The following PCGF6 variants were observed in gnomAD, a reference collection of about 807,000 sequenced individuals.
The protein encoded by PCGF6 is polycomb group RING finger protein 6.
Under a neutral mutation model 45.5 loss-of-function variants are expected in PCGF6, and 24 were observed. That is an observed-to-expected ratio of 0.53 (90% CI 0.38 to 0.74). The LOEUF (loss-of-function observed/expected upper bound fraction) is 0.74, where lower values mean the gene tolerates loss of function less well. Ranked by LOEUF, PCGF6 falls within the 30% of genes least tolerant of loss-of-function variation. PCGF6 has a pLI of 0.00. For missense variants in PCGF6, 356 were observed against 443.2 expected (o/e 0.80, Z 1.77); for synonymous variants, 152 against 162.1 (o/e 0.94, Z 0.47).
rs1414684024 is a variant in PCGF6, at chr10:103,348,713, T to C, written c.557+3A>G. On this transcript the variant is annotated splice_donor_region_variant and intron_variant, in intron 3 of 9. Transcript: ENST00000369847. ...ACAATTGTAATTTATATATTCTTCT[T>C]ACCTTATGTTATAAAGAGGTTGTGT... is the stretch of plus-strand genomic sequence containing the variant. 6.6e-7 allele frequency: 1 copy of C among 1,520,946 alleles called. No individual in the cohort carries two copies. The highest frequency in any genetic ancestry group is 1.2e-5 in the South Asian group (1 of 84,734). The allele number at this position is 1,520,946 out of a possible 1,614,324, so 94.2% of individuals were successfully genotyped here.
chr10:103,328,525 TAGTG>T (rs1327842386), intron 7 of PCGF6, among the ~76,000 whole-genome samples: 4 of 152,176 alleles, frequency 2.6e-5, no homozygotes, highest in African/African-American at 9.7e-5. Context: ...CATTTTCTAA[TAGTG>T]AGTCTTTGGG....
intron 9 of PCGF6, among the ~76,000 whole-genome samples, chr10:103,307,986 A>G (rs1165894715): frequency 6.6e-6 from 1 of 152,206 alleles, no homozygotes; most frequent in Non-Finnish European, 1.5e-5. Flanking sequence ...CTGGAATCCC[A>G]GCAGTTTGGG....
intron 6 of PCGF6, among the ~76,000 whole-genome samples, chr10:103,337,874 C>T (rs1157389890): frequency 1.8e-5 from 2 of 109,220 alleles, no homozygotes; most frequent in East Asian, 5.2e-4. Flanking sequence ...ACCATCCCGG[C>T]TAAAACGGCG....
intron 6 of PCGF6, among the ~76,000 whole-genome samples, chr10:103,339,808 AAAACACACACAC>A (rs1179622832): frequency 0.1 from 7,997 of 77,996 alleles, 731 homozygotes; most frequent in South Asian, 0.26. Flanking sequence ...TCTCAAAAAA[AAAACACACACAC>A]ACACACACAC....
intron 5 of PCGF6, among the ~76,000 whole-genome samples, chr10:103,345,507 GCTTT>G (rs1005328167): frequency 1.7e-5 from 2 of 119,292 alleles, no homozygotes. Flanking sequence ...CAGTGCTACT[GCTTT>G]TTTTTTTTTT....
Position 103,327,841 on chromosome 10 carries a change from ATT to A in PCGF6, c.811-1211_811-1210del, listed in dbSNP as rs11345505. Among the ~76,000 whole-genome samples, 278 of 137,424 alleles carry A rather than the reference ATT, an allele frequency of 2.0e-3. 1 individual carries two copies. Among genetic ancestry groups the A allele is most frequent in the Non-Finnish European group, 3.3e-3 (212 of 63,492 alleles). 90.2% of individuals were successfully genotyped at this position (137,424 alleles called of 152,430 possible). A position where few individuals can be genotyped will look rare whatever the true frequency, so the allele number is the denominator to read the frequency against. ...AGGCGTGCACCACTACGCCCAACTA[ATT>A]TTTTTTTTTTTTTTCATTAGAGATA... On this transcript the variant is annotated intron_variant, in intron 7 of 9. Transcript: ENST00000369847.
chr10:103,320,023 G>A (rs1459390943), intron 8 of PCGF6, among the ~76,000 whole-genome samples: 1 of 151,990 alleles, frequency 6.6e-6, no homozygotes, highest in East Asian at 1.9e-4. Context: ...GGCCAGGATG[G>A]TCTCCATCTC....
At chr10:103,316,011 TATAGAGAGAG>T (rs1242865207) in intron 8 of PCGF6, among the ~76,000 whole-genome samples, 43 of 129,820 alleles carry the variant, frequency 3.3e-4, no homozygotes, top group Middle Eastern at 3.8e-3. Context: ...TATATATATA[TATAGAGAGAG>T]AGAGAGAGAG....
chr10:103,310,494 A>G (rs1354344139), intron 9 of PCGF6, among the ~76,000 whole-genome samples: 1 of 152,096 alleles, frequency 6.6e-6, no homozygotes, highest in East Asian at 1.9e-4. Context: ...TCATATGTAC[A>G]TTATGCACAT....
rs1476542851 is a variant in PCGF6 at position 103,351,119 on chromosome 10, G to A, written c.-53C>T. On this transcript the variant is annotated 5_prime_UTR_variant, in exon 1 of 10. Coordinates refer to ENST00000369847, the MANE Select transcript of PCGF6 (RefSeq NM_001011663.2). Reference sequence around the variant, plus strand: ...GGCGGCGGGAGAGCGCGGGAGTTCGGCCGGCCTCGGACGCCACCACTGCGC... The same window carrying A: ...GGCGGCGGGAGAGCGCGGGAGTTCGACCGGCCTCGGACGCCACCACTGCGC... 3.0e-6 allele frequency: 4 copies of A among 1,335,354 alleles called. No homozygotes were observed. The African/African-American group carries it at 4.5e-5, about 15-fold the overall frequency. 82.7% of individuals were successfully genotyped at this position (1,335,354 alleles called of 1,614,324 possible).
At chr10:103,335,231 A>T (rs893323624) in intron 6 of PCGF6, among the ~76,000 whole-genome samples, 82 of 151,320 alleles carry the variant, frequency 5.4e-4, no homozygotes, top group African/African-American at 1.7e-3. Flanking sequence ...AAAAAAAAAA[A>T]TTTTAAGAGA....
At chr10:103,335,615 C>T (rs1040164553) in intron 6 of PCGF6, among the ~76,000 whole-genome samples, 12 of 151,914 alleles carry the variant, frequency 7.9e-5, no homozygotes, top group Non-Finnish European at 1.2e-4. Context: ...CCCACCTTGG[C>T]CTCCCAAAGT....
In PCGF6 at chr10:103,350,959, A is replaced by G. The variant is rs759425497; in HGVS notation, c.108T>C (p.Pro36=). Residue 36 remains proline (P), a synonymous_variant, in exon 1 of 10, where the codon CCT becomes CCC. Transcript: ENST00000369847. ...PPPVSPPALT[P]APAAGEEGPA... Reference sequence around the variant, plus strand: ...GTCCCTCCTCACCCGCTGCGGGTGCAGGGGTGAGGGCGGGCGGGGAGACAG... The same window carrying G: ...GTCCCTCCTCACCCGCTGCGGGTGCGGGGGTGAGGGCGGGCGGGGAGACAG... The G allele has an allele frequency of 3.4e-6, 5 of 1,456,668 alleles. No homozygotes were observed. The highest frequency in any genetic ancestry group is 4.5e-6 in the Non-Finnish European group (5 of 1,108,898). The allele number at this position is 1,456,668 out of a possible 1,614,324, so 90.2% of individuals were successfully genotyped here.
Position 103,303,891 on chromosome 10 carries a change from T to C in PCGF6, c.*14A>G, listed in dbSNP as rs200854681. ...GCCTCCTTTGTTTCCCTCCTCATAA[T>C]GTGCCTAGAATCTTCAAGTTATCTT... On this transcript the variant is annotated 3_prime_UTR_variant, in exon 10 of 10. Transcript: ENST00000369847. 1 of 1,601,284 alleles carries C rather than the reference T, an allele frequency of 6.2e-7. No homozygotes were observed. The highest frequency in any genetic ancestry group is 8.6e-7 in the Non-Finnish European group (1 of 1,169,212).
intron 9 of PCGF6, among the ~76,000 whole-genome samples, chr10:103,312,959 T>G (rs976139885): frequency 2.0e-5 from 3 of 150,412 alleles, no homozygotes; most frequent in Admixed American, 2.0e-4. Context: ...AGACTCCGTC[T>G]CAAAAACAAA....
chr10:103,317,870 T>C (rs1258894336), intron 8 of PCGF6, among the ~76,000 whole-genome samples: 2 of 151,684 alleles, frequency 1.3e-5, no homozygotes, highest in Non-Finnish European at 2.9e-5. Context: ...GCAATTCTCC[T>C]GCCTCAGCCT....
intron 3 of PCGF6, 163 bp downstream of exon 3, chr10:103,348,553 G>A (rs952421287): frequency 9.3e-6 from 5 of 536,778 alleles, no homozygotes; most frequent in East Asian, 6.6e-5. Flanking sequence ...TTGAACTCCT[G>A]ATCTGAAGTG....
intron 6 of PCGF6, among the ~76,000 whole-genome samples, chr10:103,344,782 C>T (rs1199081217): frequency 1.3e-5 from 2 of 151,958 alleles, no homozygotes; most frequent in Non-Finnish European, 2.9e-5. Context: ...GTTAGCCAGG[C>T]TGGTCTCGAA....
At chr10:103,329,485 A>G (rs989925890) in intron 7 of PCGF6, among the ~76,000 whole-genome samples, 4 of 151,842 alleles carry the variant, frequency 2.6e-5, no homozygotes, top group Non-Finnish European at 5.9e-5. Flanking sequence ...ATATACATAT[A>G]TATGTTTTTG....
Sources: gnomAD v4.1 joint callset for allele counts (sites outside exome capture counted in the v4.1 genomes callset) on GRCh38, gnomAD v4.1.1 for gene constraint, MANE v1.5 for transcripts, NCBI Gene and HGNC (gene_info 2026-07-23, HGNC 2026-07-21) for gene names.